The following EML6 variants were observed in gnomAD, a reference collection of about 807,000 sequenced individuals.
The protein encoded by EML6 is echinoderm microtubule-associated protein-like 6.
A neutral mutation model predicts 240.1 loss-of-function variants in EML6; 154 were observed. The ratio of observed to expected loss-of-function variants is 0.64; its 90% CI spans 0.56 to 0.73. The LOEUF is 0.73. Among genes scored for constraint, EML6 ranks in the 30% least tolerant of loss-of-function variants. The pLI, the probability that EML6 is intolerant of heterozygous loss-of-function variation, is 0.00. For synonymous variants in EML6, 1,148 were observed against 899.0 expected, an observed-to-expected ratio of 1.28 and a Z score of -4.95; for missense variants, 2,964 against 2,474.6, an observed-to-expected ratio of 1.20 and a Z score of -4.20.
At chr2:54,959,317 C>T (rs1676385606) in intron 34 of EML6, 56 bp downstream of exon 34, 1 of 1,453,624 alleles carries the variant, frequency 6.9e-7, no homozygotes, top group Non-Finnish European at 9.1e-7. Flanking sequence ...TTGGGAGAAA[C>T]TGACAAAAGT....
At chr2:54,795,472 A>T (rs1354542466) in intron 2 of EML6, among the ~76,000 whole-genome samples, 1 of 152,184 alleles carries the variant, frequency 6.6e-6, no homozygotes, top group Non-Finnish European at 1.5e-5. Flanking sequence ...TTGGGAACAC[A>T]GAGCCAATAT....
intron 35 of EML6, among the ~76,000 whole-genome samples, chr2:54,962,122 A>C (rs1260225677): frequency 1.4e-5 from 2 of 145,828 alleles, no homozygotes; most frequent in African/African-American, 5.1e-5. Flanking sequence ...TCACTGTGTC[A>C]CCCAGGCTGG....
chr2:54,759,563 A>G (rs1195538009), intron 2 of EML6, among the ~76,000 whole-genome samples: 1 of 152,176 alleles, frequency 6.6e-6, no homozygotes, highest in East Asian at 1.9e-4. Context: ...AGTTTTTAAA[A>G]GTCATAAATT....
rs763035232 is a variant in EML6 at position 54,775,010 on chromosome 2, C to G, written c.198-38222C>G. Among the ~76,000 whole-genome samples the G allele has an allele frequency of 2.0e-5, 3 of 152,076 alleles. No homozygotes were observed. The East Asian group carries it at 5.8e-4, about 29-fold the overall frequency. On this transcript the variant is annotated intron_variant, in intron 2 of 41. Coordinates refer to ENST00000356458, the MANE Select transcript of EML6 (RefSeq NM_001039753.4). ...AAAATATGATCAAAAAATGAAAAAG[C>G]AAATACTTAGTGAGCAGACATGCAG...
intron 13 of EML6, among the ~76,000 whole-genome samples, chr2:54,865,796 G>C (rs756378590): frequency 6.6e-6 from 1 of 152,138 alleles, no homozygotes; most frequent in Non-Finnish European, 1.5e-5. Context: ...ACCGATATTT[G>C]ATTTACATTC....
intron 29 of EML6, 76 bp downstream of exon 29, chr2:54,949,036 C>A: frequency 1.9e-6 from 2 of 1,080,540 alleles, no homozygotes; most frequent in South Asian, 1.4e-5. Flanking sequence ...TCTGCACGTC[C>A]CAAAGACACA....
chr2:54,919,536 C>T (rs969473132), intron 26 of EML6, among the ~76,000 whole-genome samples: 8 of 152,264 alleles, frequency 5.3e-5, no homozygotes, highest in South Asian at 4.1e-4. Flanking sequence ...ATCCCAAAGC[C>T]GCCTGGCAAC....
At chr2:54,956,465 T>G (rs188202184) in intron 32 of EML6, among the ~76,000 whole-genome samples, 1 of 152,232 alleles carries the variant, frequency 6.6e-6, no homozygotes, top group Admixed American at 6.5e-5. Flanking sequence ...CTGAATCTTA[T>G]AAGCATTGCA....
Position 54,724,790 on chromosome 2 carries a change from C to A in EML6, c.-272C>A, listed in dbSNP as rs1310389860. The A allele has an allele frequency of 6.5e-6, 1 of 154,634 alleles. No individual in the cohort carries two copies. The highest frequency in any genetic ancestry group is 2.4e-5 in the African/African-American group (1 of 41,382). The allele number at this position is 154,634 out of a possible 1,614,324, so 9.6% of individuals were successfully genotyped here. A position where few individuals can be genotyped will look rare whatever the true frequency, so the allele number is the denominator to read the frequency against. ...CGCAGGTGCAGTGAGGCGCGCGCGC[C>A]GGTGCCGGCGCCCCCAGAGCCGCCT... On this transcript the variant is annotated 5_prime_UTR_variant, in exon 2 of 42. Transcript: ENST00000356458. This position sits in a 1 kb window ranked among gnomAD's most constrained non-coding sequence, Gnocchi z 5.2.
At chr2:54,857,259 G>C (rs947464720) in intron 11 of EML6, among the ~76,000 whole-genome samples, 6 of 152,160 alleles carry the variant, frequency 3.9e-5, no homozygotes, top group Admixed American at 2.0e-4. Flanking sequence ...CTGGAGATGT[G>C]CACTTGGCAG....
intron 24 of EML6, among the ~76,000 whole-genome samples, chr2:54,908,648 C>G (rs1178921464): frequency 1.3e-5 from 2 of 152,192 alleles, no homozygotes; most frequent in Non-Finnish European, 2.9e-5. Context: ...TGGGTCTTAT[C>G]TCTGCCTTTG....
intron 24 of EML6, among the ~76,000 whole-genome samples, chr2:54,907,110 C>G (rs181032263): frequency 5.9e-5 from 9 of 152,138 alleles, no homozygotes; most frequent in Admixed American, 3.9e-4. Context: ...GCATGGAATG[C>G]TTGAGAAAGA....
chr2:54,857,134 C>T (rs1670426422), intron 11 of EML6, among the ~76,000 whole-genome samples: 1 of 152,110 alleles, frequency 6.6e-6, no homozygotes, highest in South Asian at 2.1e-4. Flanking sequence ...TGGGAGTGCA[C>T]ATAAGGGGAA....
At chr2:54,937,529 G>C (rs1177735183) in intron 28 of EML6, among the ~76,000 whole-genome samples, 2 of 136,460 alleles carry the variant, frequency 1.5e-5, no homozygotes, top group African/African-American at 5.6e-5. Context: ...CTCCAGCCTG[G>C]GCCATAGAGC....
In EML6 at chr2:54,816,787, C is replaced by T. The variant is rs1668101127; in HGVS notation, c.358C>T (p.Arg120Cys). The change falls in exon 4 of 42, where the codon CGT becomes TGT. Residue 120 changes from arginine to cysteine, a missense_variant and splice_region_variant. Coordinates refer to ENST00000356458, the MANE Select transcript of EML6 (RefSeq NM_001039753.4). ...ACLAFDSDGQ[R>C]LASVGLDAKN... is the part of the protein sequence containing the mutation. Reference sequence around the variant, plus strand: ...ACTAAATTATTGTTCTTATTCTTAGCGTTTAGCCTCTGTGGGGTTGGATGC... The same window carrying T: ...ACTAAATTATTGTTCTTATTCTTAGTGTTTAGCCTCTGTGGGGTTGGATGC... 5 of 1,547,670 alleles carry T rather than the reference C, an allele frequency of 3.2e-6. No individual in the cohort carries two copies. Among genetic ancestry groups the T allele is most frequent in the African/African-American group, 1.4e-5 (1 of 73,056 alleles).
intron 8 of EML6, among the ~76,000 whole-genome samples, chr2:54,846,060 G>T (rs1318005879): frequency 6.6e-6 from 1 of 152,158 alleles, no homozygotes; most frequent in Admixed American, 6.5e-5. Context: ...TGTGGGGATG[G>T]GAATGTTTGC....
chr2:54,850,613 A>T (rs1670026317), intron 10 of EML6, among the ~76,000 whole-genome samples: 1 of 152,216 alleles, frequency 6.6e-6, no homozygotes, highest in South Asian at 2.1e-4. Context: ...CAAATCTCAC[A>T]TGACCAATAA....
intron 2 of EML6, among the ~76,000 whole-genome samples, chr2:54,744,411 A>G (rs996181624): frequency 1.3e-5 from 2 of 152,222 alleles, no homozygotes; most frequent in Admixed American, 6.5e-5. Flanking sequence ...TTTGGACTGG[A>G]TAAAAATCCA....
intron 2 of EML6, among the ~76,000 whole-genome samples, chr2:54,757,031 A>T (rs1272097296): frequency 6.6e-6 from 1 of 151,620 alleles, no homozygotes; most frequent in African/African-American, 2.4e-5. Context: ...TTATTTTTAT[A>T]TTTTATATTT....
Sources: allele counts gnomAD v4.1 joint callset (sites outside exome capture counted in the v4.1 genomes callset), GRCh38; gene constraint gnomAD v4.1.1; non-coding constraint Gnocchi (gnomAD v3.1); transcripts MANE v1.5; gene names NCBI Gene and HGNC (gene_info 2026-07-23, HGNC 2026-07-21).